The following TANK variants were observed in gnomAD, a reference collection of about 807,000 sequenced individuals.
The protein encoded by TANK is TRAF family member-associated NF-kappa-B activator.
Under a neutral mutation model 43.6 loss-of-function variants are expected in TANK, and 15 were observed. That is an observed-to-expected ratio of 0.34 (90% CI 0.23 to 0.53). TANK has a LOEUF of 0.53. Ranked by LOEUF, TANK falls within the 20% of genes least tolerant of loss-of-function variation. TANK has a pLI of 0.94. For synonymous variants in TANK, 162 were observed against 178.2 expected (o/e 0.91, Z 0.73); for missense variants, 417 against 498.6 (o/e 0.84, Z 1.56).
chr2:161,142,279 G>T (rs1475511705), intron 1 of TANK, among the ~76,000 whole-genome samples: 1 of 151,988 alleles, frequency 6.6e-6, no homozygotes, highest in African/African-American at 2.4e-5. Flanking sequence ...GTAGGCTGAT[G>T]CTCACTCTAA....
chr2:161,204,600 A>C, intron 3 of TANK, 75 bp from the exon 4 acceptor site: 1 of 1,356,288 alleles, frequency 7.4e-7, no homozygotes, highest in Admixed American at 2.2e-5. Context: ...TTGAGTTTGT[A>C]TTATTTTTTG....
At chr2:161,208,466 G>T (rs1574039020) in intron 4 of TANK, among the ~76,000 whole-genome samples, 1 of 152,072 alleles carries the variant, frequency 6.6e-6, no homozygotes. Context: ...TTTGTCTTTT[G>T]TACACCACAG....
intron 2 of TANK, 90 bp from the exon 3 acceptor site, chr2:161,203,397 A>T: frequency 1.2e-6 from 1 of 810,318 alleles, no homozygotes; most frequent in Middle Eastern, 2.4e-4. Context: ...CAATGTGGGC[A>T]ACTCATATCT....
intron 1 of TANK, among the ~76,000 whole-genome samples, chr2:161,168,941 C>T (rs1391275876): frequency 4.6e-5 from 7 of 152,200 alleles, no homozygotes; most frequent in African/African-American, 1.4e-4. Context: ...CAACCTAGAA[C>T]TCTTAATCTA....
chr2:161,218,866 C>T (rs1441471296), intron 4 of TANK, among the ~76,000 whole-genome samples: 1 of 152,200 alleles, frequency 6.6e-6, no homozygotes, highest in East Asian at 1.9e-4. Flanking sequence ...TGGTTTCAAA[C>T]TCCTCCCTCT....
intron 1 of TANK, among the ~76,000 whole-genome samples, chr2:161,145,133 CTTTTTTTTTTTTT>C (rs144526006): frequency 3.0e-5 from 1 of 32,830 alleles, no homozygotes; most frequent in Non-Finnish European, 5.1e-5. Flanking sequence ...GCAACCCCTG[CTTTTTTTTTTTTT>C]TTTTTTTTTT....
At chr2:161,178,124 T>C (rs746997593) in intron 1 of TANK, among the ~76,000 whole-genome samples, 62 of 152,076 alleles carry the variant, frequency 4.1e-4, no homozygotes, top group Admixed American at 7.2e-4. Context: ...AAGTTAAAGA[T>C]AGAATTACCA....
intron 1 of TANK, among the ~76,000 whole-genome samples, chr2:161,149,793 A>T (rs116650261): frequency 0.015 from 2,191 of 148,012 alleles, 52 homozygotes; most frequent in African/African-American, 0.052. Flanking sequence ...GCCCGAAGTG[A>T]TTTTCTTATG....
At chr2:161,227,999 G>A (rs918336946) in intron 6 of TANK, among the ~76,000 whole-genome samples, 3 of 152,194 alleles carry the variant, frequency 2.0e-5, no homozygotes, top group Non-Finnish European at 4.4e-5. Flanking sequence ...AGTAGGCTTT[G>A]TAGGGGAGAG....
At chr2:161,202,182 C>CTTTTTTTTTTT (rs35913723) in intron 2 of TANK, among the ~76,000 whole-genome samples, 3 of 78,130 alleles carry the variant, frequency 3.8e-5, no homozygotes, top group Non-Finnish European at 7.2e-5. Context: ...GCTCTAATTT[C>CTTTTTTTTTTT]TTTTTTTTTT....
At chr2:161,195,482 A>G (rs777391012) in intron 2 of TANK, among the ~76,000 whole-genome samples, 1 of 152,206 alleles carries the variant, frequency 6.6e-6, no homozygotes, top group Non-Finnish European at 1.5e-5. Flanking sequence ...AAGGACCTGC[A>G]TTGTAAAACC....
intron 2 of TANK, among the ~76,000 whole-genome samples, chr2:161,187,966 AAAG>A (rs1685739590): frequency 6.6e-6 from 1 of 152,220 alleles, no homozygotes; most frequent in Non-Finnish European, 1.5e-5. Flanking sequence ...GTGGGTCAAA[AAAG>A]AAATCACAAG....
intron 6 of TANK, among the ~76,000 whole-genome samples, chr2:161,228,136 C>G (rs1457505774): frequency 6.6e-6 from 1 of 152,158 alleles, no homozygotes; most frequent in Non-Finnish European, 1.5e-5. Context: ...TGGGAAGAAA[C>G]AGAGTTATAC....
At chr2:161,141,257 G>A (rs531583506) in intron 1 of TANK, among the ~76,000 whole-genome samples, 3 of 151,972 alleles carry the variant, frequency 2.0e-5, no homozygotes, top group South Asian at 2.1e-4. Flanking sequence ...CCACAAATCC[G>A]CATTCTGTCT....
chr2:161,178,321 C>A (rs1685259129), intron 1 of TANK, among the ~76,000 whole-genome samples: 1 of 151,902 alleles, frequency 6.6e-6, no homozygotes, highest in Admixed American at 6.6e-5. Context: ...TATTATTTAG[C>A]CATAAAAAGG....
intron 1 of TANK, chr2:161,138,088 C>T (rs1272336777): frequency 2.6e-5 from 9 of 347,080 alleles, no homozygotes; most frequent in Non-Finnish European, 3.2e-5. Flanking sequence ...GCTGCATCTC[C>T]TTGGACCATT....
At chr2:161,142,468 G>A (rs1441177008) in intron 1 of TANK, among the ~76,000 whole-genome samples, 2 of 152,158 alleles carry the variant, frequency 1.3e-5, no homozygotes, top group Non-Finnish European at 2.9e-5. Flanking sequence ...TTATGTTTAA[G>A]TCTTTAATCC....
chr2:161,221,690 A>G (rs1295361419), intron 4 of TANK, among the ~76,000 whole-genome samples: 5 of 150,240 alleles, frequency 3.3e-5, no homozygotes, highest in South Asian at 4.2e-4. Context: ...CCCAAGTAAC[A>G]TGTTAAGAGG....
At chr2:161,224,591 T>G in intron 5 of TANK, 40 bp from the exon 6 acceptor site, 1 of 998,670 alleles carries the variant, frequency 1.0e-6, no homozygotes, top group Non-Finnish European at 1.5e-6. Flanking sequence ...AACTTGGAAG[T>G]TATAGCTTTA....
Sources: gnomAD v4.1 joint callset for allele counts (sites outside exome capture counted in the v4.1 genomes callset) on GRCh38, gnomAD v4.1.1 for gene constraint, MANE v1.5 for transcripts, NCBI Gene and HGNC (gene_info 2026-07-23, HGNC 2026-07-21) for gene names.